The following UCHL1 variants were observed in gnomAD, a reference collection of about 807,000 sequenced individuals.
UCHL1 encodes the protein ubiquitin carboxyl-terminal hydrolase isozyme L1.
A neutral mutation model predicts 33.3 loss-of-function variants in UCHL1; 5 were observed. The ratio of observed to expected loss-of-function variants is 0.15; its 90% CI spans 0.08 to 0.32. The LOEUF is 0.32. Ranked by LOEUF, UCHL1 falls within the 10% of genes least tolerant of loss-of-function variation. The pLI, the probability that UCHL1 is intolerant of heterozygous loss-of-function variation, is 1.00. For missense variants in UCHL1, 236 were observed against 280.0 expected, an observed-to-expected ratio of 0.84 and a Z score of 1.12; for synonymous variants, 132 against 108.8, an observed-to-expected ratio of 1.21 and a Z score of -1.33.
rs779681524 is a variant in UCHL1 at position 41,256,983 on chromosome 4, C to T, written c.7C>T (p.Leu3Phe). The T allele has an allele frequency of 6.2e-7, 1 of 1,614,198 alleles. No homozygotes were observed. The highest frequency in any genetic ancestry group is 8.5e-7 in the Non-Finnish European group (1 of 1,180,022). The change falls in exon 1 of 9, where the codon CTC becomes TTC. Residue 3 changes from leucine (L) to phenylalanine (F), a missense_variant. By Grantham distance (22) the Leu-to-Phe change is conservative. Coordinates refer to ENST00000284440, the MANE Select transcript of UCHL1 (RefSeq NM_004181.5). ...TGCCGGGCGCTCCGCGAAGATGCAGCTCAAGCCGATGGAGATCAACCCCGA... is the reference window on the plus strand; with the variant it reads ...TGCCGGGCGCTCCGCGAAGATGCAGTTCAAGCCGATGGAGATCAACCCCGA... MQ[L>F]KPMEINPEML... is the part of the protein sequence containing the mutation.
In UCHL1 at chr4:41,266,596, A is replaced by T. The variant is rs16852982; in HGVS notation, c.586-1391A>T. ...TATATTAAAAAACTTGGTAGAGGAT[A>T]AAATGTTGATGTCAATCCAGATACT... On this transcript the variant is annotated intron_variant, in intron 8 of 8. Transcript: ENST00000284440. Among the ~76,000 whole-genome samples the T allele has an allele frequency of 7.7e-3, 1,165 of 152,234 alleles. 19 individuals are homozygous for T. The highest frequency in any genetic ancestry group is 0.027 in the African/African-American group (1,120 of 41,542).
intron 8 of UCHL1, chr4:41,264,515 T>G: frequency 2.7e-6 from 1 of 374,470 alleles, no homozygotes; most frequent in Non-Finnish European, 5.1e-6. Flanking sequence ...CCTTTCATAA[T>G]CCCTCTAAGA....
At position 41,264,302 on chromosome 4, in the gene UCHL1, C is replaced by T. The variant is rs1338376475; in HGVS notation, c.585+141C>T. 2.0e-5 allele frequency: 20 copies of T among 1,012,870 alleles called. No homozygotes were observed. The East Asian group carries it at 4.6e-4, about 23-fold the overall frequency. 62.7% of individuals were successfully genotyped at this position (1,012,870 alleles called of 1,614,324 possible). On this transcript the variant is annotated intron_variant, in intron 8 of 8. Transcript: ENST00000284440. ...GCAGTCTTTAGGGCTGCAAGATCCTCTTAGTAACTCTATCTACCTTATTTT... is the reference window on the plus strand; with the variant it reads ...GCAGTCTTTAGGGCTGCAAGATCCTTTTAGTAACTCTATCTACCTTATTTT...
At position 41,256,928 on chromosome 4, in the gene UCHL1, A is replaced by C. The variant is rs775798907; in HGVS notation, c.-49A>C. ...TAGCTGCAGCCTGGGCGGCTCCGCT[A>C]GCTGTTTTTCGTCTTCCCTAGGCTA... On this transcript the variant is annotated 5_prime_UTR_variant, in exon 1 of 9. Transcript: ENST00000284440. 4 of 1,613,760 alleles carry C rather than the reference A, an allele frequency of 2.5e-6. No homozygotes were observed. The highest frequency in any genetic ancestry group is 2.2e-5 in the South Asian group (2 of 91,076).
intron 8 of UCHL1, among the ~76,000 whole-genome samples, chr4:41,265,917 GA>G (rs1235512469): frequency 6.6e-6 from 1 of 152,198 alleles, no homozygotes; most frequent in Non-Finnish European, 1.5e-5. Flanking sequence ...AAAACAGGCA[GA>G]ATTTCTGGTC....
rs779687111 is a variant in UCHL1, at chr4:41,261,808, A to T, written c.411+8A>T. On this transcript the variant is annotated splice_region_variant and intron_variant, in intron 5 of 8. Coordinates refer to ENST00000284440, the MANE Select transcript of UCHL1 (RefSeq NM_004181.5). ...TGCTTTGAAAAGAATGAGGTAAGAG[A>T]ACTTACAGAGCATGGCCTTTAAATA... 47 of 1,614,080 alleles carry T rather than the reference A, an allele frequency of 2.9e-5. No individual in the cohort carries two copies. In the Admixed American group the frequency reaches 7.7e-4, roughly 26 times the overall value.
intron 6 of UCHL1, among the ~76,000 whole-genome samples, chr4:41,262,270 TGG>T (rs1781082047): frequency 6.6e-6 from 1 of 152,132 alleles, no homozygotes; most frequent in Non-Finnish European, 1.5e-5. Context: ...GAGACCAGCT[TGG>T]CCAACATAGT....
intron 3 of UCHL1, among the ~76,000 whole-genome samples, chr4:41,259,779 C>T (rs945237421): frequency 6.6e-6 from 1 of 152,184 alleles, no homozygotes; most frequent in African/African-American, 2.4e-5. Context: ...ATCCTCCTGC[C>T]TCAGCCTCCC....
intron 4 of UCHL1, among the ~76,000 whole-genome samples, chr4:41,261,497 A>G (rs1781066988): frequency 6.6e-6 from 1 of 152,194 alleles, no homozygotes; most frequent in African/African-American, 2.4e-5. Context: ...AGAGCTTGGC[A>G]TATTGGGAGA....
chr4:41,257,220 G>A, intron 2 of UCHL1, 94 bp downstream of exon 2: 16 of 1,594,688 alleles, frequency 1.0e-5, no homozygotes, highest in Non-Finnish European at 1.3e-5. Flanking sequence ...GGACCAAGCC[G>A]CCCGCTGCGA....
At chr4:41,259,904 A>C (rs138909141) in intron 3 of UCHL1, among the ~76,000 whole-genome samples, 99 of 152,340 alleles carry the variant, frequency 6.5e-4, no homozygotes, top group Middle Eastern at 6.8e-3. Flanking sequence ...ATTACTATAC[A>C]GAAAGCTAGC....
At chr4:41,257,542 GC>G in intron 2 of UCHL1, 66 bp from the exon 3 acceptor site, 2 of 1,420,960 alleles carry the variant, frequency 1.4e-6, no homozygotes, top group Non-Finnish European at 1.8e-6. Flanking sequence ...TCCTGGCCCC[GC>G]CCCCTGGCAG....
At position 41,261,770 on chromosome 4, in the gene UCHL1, A is replaced by T; in HGVS notation, c.381A>T (p.Glu127Asp). ...FLSETEKMSP[E>D]DRAKCFEKNE... is the part of the protein sequence containing the mutation. ...CTGAAACAGAGAAAATGTCCCCTGA[A>T]GACAGAGCAAAATGCTTTGAAAAGA... The change falls in exon 5 of 9, where the codon GAA becomes GAT. Residue 127 changes from glutamate to aspartate, a missense_variant. By Grantham distance (45) the Glu-to-Asp change is conservative. Coordinates refer to ENST00000284440, the MANE Select transcript of UCHL1 (RefSeq NM_004181.5). The T allele has an allele frequency of 6.2e-7, 1 of 1,614,044 alleles. No individual in the cohort carries two copies. Among genetic ancestry groups the T allele is most frequent in the Non-Finnish European group, 8.5e-7 (1 of 1,180,038 alleles).
rs767261015 is a variant in UCHL1 at position 41,257,623 on chromosome 4, G to T, written c.60G>T (p.Leu20=). Residue 20 remains leucine, a synonymous_variant, in exon 3 of 9, where the codon CTG becomes CTT. Coordinates refer to ENST00000284440, the MANE Select transcript of UCHL1 (RefSeq NM_004181.5). Reference sequence around the variant, plus strand: ...CCTCTCCGCAGGTGCTGTCCCGGCTGGGGGTCGCCGGCCAGTGGCGCTTCG... The same window carrying T: ...CCTCTCCGCAGGTGCTGTCCCGGCTTGGGGTCGCCGGCCAGTGGCGCTTCG... ...PEMLNKVLSR[L]GVAGQWRFVD... The T allele has an allele frequency of 1.3e-5, 20 of 1,554,266 alleles. No individual in the cohort carries two copies. The African/African-American group carries it at 2.3e-4, about 18-fold the overall frequency.
intron 4 of UCHL1, among the ~76,000 whole-genome samples, chr4:41,261,475 CAG>C (rs1233906200): frequency 1.3e-5 from 2 of 152,064 alleles, no homozygotes; most frequent in Non-Finnish European, 2.9e-5. Context: ...TAGAAGGGAA[CAG>C]AGGCAAGAAA....
At chr4:41,261,598 G>T in intron 4 of UCHL1, 117 bp from the exon 5 acceptor site, 1 of 1,079,698 alleles carries the variant, frequency 9.3e-7, no homozygotes. Context: ...CACAACCCTG[G>T]AGGCAGTATT....
chr4:41,257,829 C>T (rs1044518948), intron 3 of UCHL1, 92 bp downstream of exon 3: 3 of 1,471,792 alleles, frequency 2.0e-6, no homozygotes, highest in Non-Finnish European at 2.7e-6. Context: ...CGCCCCCTCC[C>T]CTGTAGGTGA....
intron 3 of UCHL1, among the ~76,000 whole-genome samples, chr4:41,260,425 A>ACCAG (rs1477948773): frequency 6.6e-6 from 1 of 152,202 alleles, no homozygotes; most frequent in Non-Finnish European, 1.5e-5. Flanking sequence ...GCACTGCAGC[A>ACCAG]CCAGGGTGGA....
chr4:41,257,142 C>T lies in UCHL1; in HGVS notation c.45+16C>T. 1 of 1,612,288 alleles carries T rather than the reference C, an allele frequency of 6.2e-7. No individual in the cohort carries two copies. Among genetic ancestry groups the T allele is most frequent in the Non-Finnish European group, 8.5e-7 (1 of 1,179,836 alleles). On this transcript the variant is annotated intron_variant, in intron 2 of 8. Transcript: ENST00000284440. ...GCTGAACAAAGTGAGTGGCGTCTCG[C>T]GCCGTCTCTGGCCCCCTCCCCCGCG... is the stretch of plus-strand genomic sequence containing the variant.
Sources: gnomAD v4.1 joint callset for allele counts (sites outside exome capture counted in the v4.1 genomes callset) on GRCh38, gnomAD v4.1.1 for gene constraint, MANE v1.5 for transcripts, NCBI Gene and HGNC (gene_info 2026-07-23, HGNC 2026-07-21) for gene names.